GRIK2: variants seen among roughly 807,000 people sequenced by gnomAD.
GRIK2 encodes glutamate ionotropic receptor kainate type subunit 2, also known as glutamate receptor ionotropic, kainate 2.
GRIK2 carries 32 observed loss-of-function variants against 100.3 expected under a neutral mutation model. That is an observed-to-expected ratio of 0.32 (90% confidence interval 0.24 to 0.43). The LOEUF is 0.43. Among genes scored for constraint, GRIK2 ranks in the 20% least tolerant of loss-of-function variants. The pLI is 1.00. For missense variants in GRIK2, 843 were observed against 1,114.9 expected (o/e 0.76, Z 3.47); for synonymous variants, 417 against 389.4 (o/e 1.07, Z -0.83).
intron 7 of GRIK2, among the ~76,000 whole-genome samples, chr6:101,687,838 G>C (rs1042165639): frequency 1.3e-5 from 2 of 151,458 alleles, no homozygotes; most frequent in Non-Finnish European, 3.0e-5. Flanking sequence ...TTTTTATTGA[G>C]AGGAAAATAC....
intron 4 of GRIK2, among the ~76,000 whole-genome samples, chr6:101,660,893 C>T (rs1769559916): frequency 6.6e-6 from 1 of 152,126 alleles, no homozygotes; most frequent in Non-Finnish European, 1.5e-5. Context: ...TGGAGCTCTC[C>T]TGTATGAGGT....
intron 2 of GRIK2, among the ~76,000 whole-genome samples, chr6:101,420,586 G>A (rs1776365728): frequency 6.6e-6 from 1 of 152,056 alleles, no homozygotes; most frequent in South Asian, 2.1e-4. Flanking sequence ...CTAGGGGTGG[G>A]CTCAGCAATC....
At chr6:101,931,778 T>C (rs984547147) in intron 14 of GRIK2, among the ~76,000 whole-genome samples, 8 of 152,144 alleles carry the variant, frequency 5.3e-5, no homozygotes, top group African/African-American at 1.9e-4. Context: ...TATTTTCATG[T>C]AAGCAATAGA....
intron 14 of GRIK2, among the ~76,000 whole-genome samples, chr6:102,019,694 C>T (rs988800911): frequency 1.3e-5 from 2 of 151,972 alleles, no homozygotes; most frequent in Non-Finnish European, 2.9e-5. Context: ...CTTTTACACA[C>T]ATACCAACCA....
chr6:101,785,893 C>T (rs1779391858), intron 7 of GRIK2, among the ~76,000 whole-genome samples: 1 of 151,914 alleles, frequency 6.6e-6, no homozygotes, highest in African/African-American at 2.4e-5. Context: ...TGTGTTGAAT[C>T]TGTAGATTGT....
At chr6:101,865,606 G>T (rs980764859) in intron 11 of GRIK2, among the ~76,000 whole-genome samples, 2 of 152,086 alleles carry the variant, frequency 1.3e-5, no homozygotes, top group African/African-American at 2.4e-5. Flanking sequence ...AAACAAAAAG[G>T]CTAGGCGTCG....
intron 14 of GRIK2, among the ~76,000 whole-genome samples, chr6:102,006,131 A>G (rs1166657904): frequency 1.3e-5 from 2 of 152,048 alleles, no homozygotes; most frequent in African/African-American, 2.4e-5. Flanking sequence ...GGGGGATACA[A>G]TTTAGCCCAT....
At position 101,909,382 on chromosome 6, in the gene GRIK2, C is replaced by G. The variant is rs55815556; in HGVS notation, c.1749-15219C>G. Among the ~76,000 whole-genome samples the G allele has an allele frequency of 3.8e-4, 48 of 126,448 alleles. 2 individuals are homozygous for G. The highest frequency in any genetic ancestry group is 4.6e-3 in the Middle Eastern group (1 of 216). The allele number at this position is 126,448 out of a possible 152,430, so 83.0% of individuals were successfully genotyped here. On this transcript the variant is annotated intron_variant, in intron 12 of 16. Coordinates refer to ENST00000369134, the MANE Select transcript of GRIK2 (RefSeq NM_021956.5). ...TGAAGGAAGATAGGGTTTTCTTTTTCTTTTTTTTTTTTTTAAAGATCATTT... is the reference window on the plus strand; with the variant it reads ...TGAAGGAAGATAGGGTTTTCTTTTTGTTTTTTTTTTTTTTAAAGATCATTT...
chr6:101,599,729 T>C (rs1158026011), intron 2 of GRIK2, among the ~76,000 whole-genome samples: 3 of 151,756 alleles, frequency 2.0e-5, no homozygotes, highest in Non-Finnish European at 4.4e-5. Flanking sequence ...GTTCATGTTT[T>C]TTTGCACACT....
chr6:101,436,955 A>AT (rs1160678687), intron 2 of GRIK2, among the ~76,000 whole-genome samples: 1 of 151,300 alleles, frequency 6.6e-6, no homozygotes, highest in African/African-American at 2.4e-5. Flanking sequence ...TAAAGTAGAG[A>AT]TCTTGATCTA....
At chr6:102,061,670 T>TTAAA (rs1328716067) in intron 16 of GRIK2, among the ~76,000 whole-genome samples, 8 of 150,510 alleles carry the variant, frequency 5.3e-5, no homozygotes, top group Non-Finnish European at 1.2e-4. Flanking sequence ...ATTCTTCTTT[T>TTAAA]TAAATAAATA....
At position 101,955,734 on chromosome 6, in the gene GRIK2, C is replaced by CT. The variant is rs201234643; in HGVS notation, c.2085+27111dup. 1.7e-4 allele frequency among the ~76,000 whole-genome samples: 26 copies of CT among 150,118 alleles called. 1 individual carries two copies. The highest frequency in any genetic ancestry group is 3.0e-4 in the Non-Finnish European group (20 of 67,426). On this transcript the variant is annotated intron_variant, in intron 14 of 16. Transcript: ENST00000369134. ...CTATACATATTATTCCCTTTTAATC[C>CT]TTTTTTTTTCTGTTAGATTGTAGGC... is the stretch of plus-strand genomic sequence containing the variant.
rs115933792 is a variant in GRIK2 at position 101,530,149 on chromosome 6, A to G, written c.116-91800A>G. ...AATGATGATTCAAATAACATTTTTT[A>G]AACCTGGATAACTGCAACATGCTGG... On this transcript the variant is annotated intron_variant, in intron 2 of 16. Coordinates refer to ENST00000369134, the MANE Select transcript of GRIK2 (RefSeq NM_021956.5). Among the ~76,000 whole-genome samples the G allele has an allele frequency of 6.1e-3, 927 of 152,154 alleles. 4 individuals carry two copies. The highest frequency in any genetic ancestry group is 0.019 in the African/African-American group (795 of 41,558).
chr6:101,792,482 G>T (rs9377305), intron 7 of GRIK2, among the ~76,000 whole-genome samples: 98,117 of 150,424 alleles, frequency 0.65, 33,551 homozygotes, highest in East Asian at 0.99. Flanking sequence ...AGTTTGGCTG[G>T]ATATGAAATT....
chr6:101,913,006 G>C (rs2128466370), intron 12 of GRIK2, among the ~76,000 whole-genome samples: 1 of 151,452 alleles, frequency 6.6e-6, no homozygotes, highest in East Asian at 1.9e-4. Context: ...TATGATTCTG[G>C]ATATATTTTA....
intron 2 of GRIK2, among the ~76,000 whole-genome samples, chr6:101,467,390 A>G (rs945943368): frequency 6.6e-6 from 1 of 152,216 alleles, no homozygotes; most frequent in Non-Finnish European, 1.5e-5. Context: ...TAGATAAGCC[A>G]ATTAGGAATA....
chr6:101,398,405 G>A (rs1775103333), intron 1 of GRIK2, among the ~76,000 whole-genome samples: 1 of 152,168 alleles, frequency 6.6e-6, no homozygotes, highest in East Asian at 1.9e-4. Context: ...GAATACCCCA[G>A]TCAAGTTTTT....
chr6:101,987,772 TGTAG>T (rs1794101032), intron 14 of GRIK2, among the ~76,000 whole-genome samples: 1 of 151,532 alleles, frequency 6.6e-6, no homozygotes, highest in Admixed American at 6.6e-5. Context: ...TTGTAATATG[TGTAG>T]GTAATCAACA....
chr6:101,813,122 C>T (rs552653162), intron 9 of GRIK2, among the ~76,000 whole-genome samples: 3 of 151,982 alleles, frequency 2.0e-5, no homozygotes, highest in South Asian at 4.2e-4. Context: ...TCTACATAGA[C>T]ATATGTAAAC....
Sources: allele counts gnomAD v4.1 joint callset (sites outside exome capture counted in the v4.1 genomes callset), GRCh38; gene constraint gnomAD v4.1.1; transcripts MANE v1.5; gene names NCBI Gene and HGNC (gene_info 2026-07-23, HGNC 2026-07-21).